The following PEX5L variants were observed in gnomAD, a reference collection of about 807,000 sequenced individuals.
PEX5L encodes peroxisomal biogenesis factor 5 like, also known as PEX5-related protein.
A neutral mutation model predicts 84.0 loss-of-function variants in PEX5L; 30 were observed. That is an observed-to-expected ratio of 0.36 (90% confidence interval 0.27 to 0.48). The LOEUF is 0.48. Ranked by LOEUF, PEX5L falls within the 20% of genes least tolerant of loss-of-function variation. The probability of loss-of-function intolerance (pLI) is 0.99; values close to 1 mark genes in which losing one functional copy is unlikely to be tolerated. For synonymous variants in PEX5L, 270 were observed against 283.1 expected, an observed-to-expected ratio of 0.95 and a Z score of 0.46; for missense variants, 533 against 754.6, an observed-to-expected ratio of 0.71 and a Z score of 3.44.
chr3:179,938,320 G>C (rs1286083954), intron 2 of PEX5L, among the ~76,000 whole-genome samples: 2 of 152,180 alleles, frequency 1.3e-5, no homozygotes, highest in African/African-American at 4.8e-5. Context: ...AAGGCACCCT[G>C]TCCATTACTA....
chr3:179,862,493 C>T (rs936723576), intron 7 of PEX5L, among the ~76,000 whole-genome samples: 8 of 152,122 alleles, frequency 5.3e-5, no homozygotes, highest in Admixed American at 2.6e-4. Context: ...GAAAGTTAGC[C>T]GATCTTGTAT....
intron 8 of PEX5L, among the ~76,000 whole-genome samples, chr3:179,848,254 T>C (rs183571369): frequency 9.2e-5 from 14 of 152,168 alleles, no homozygotes; most frequent in Non-Finnish European, 2.9e-5. Context: ...ATTCTTCCTA[T>C]AGAAGCAAAA....
Position 179,846,378 on chromosome 3 carries a change from C to T in PEX5L, c.822+12684G>A, listed in dbSNP as rs181110690. Among the ~76,000 whole-genome samples the T allele has an allele frequency of 3.1e-4, 47 of 152,232 alleles. 1 individual carries two copies. The highest frequency in any genetic ancestry group is 1.1e-3 in the African/African-American group (47 of 41,532). On this transcript the variant is annotated intron_variant, in intron 8 of 14. Transcript: ENST00000467460. ...AATCTTCTAGCTATTTTGAAATATA[C>T]AATAAATTATTGTTAACTATAGTTG...
At chr3:180,031,244 C>A (rs1791437556) in intron 1 of PEX5L, among the ~76,000 whole-genome samples, 1 of 152,046 alleles carries the variant, frequency 6.6e-6, no homozygotes, top group African/African-American at 2.4e-5. Context: ...CCTGTTTATA[C>A]TCTATAATAT....
chr3:179,974,568 C>A lies in PEX5L; in HGVS notation c.22-2903G>T, dbSNP rs534901511. On this transcript the variant is annotated intron_variant, in intron 1 of 14. Transcript: ENST00000467460. ...GACAGTGCTTCACCCCCATAAGAAG[C>A]TTTCAGCTCAGGATAACGTGTCCAA... Among the ~76,000 whole-genome samples the A allele has an allele frequency of 5.9e-5, 9 of 152,338 alleles. No homozygotes were observed. The East Asian group carries it at 1.7e-3, about 29-fold the overall frequency.
At chr3:179,807,426 C>T (rs1163724624) in intron 14 of PEX5L, among the ~76,000 whole-genome samples, 1 of 152,132 alleles carries the variant, frequency 6.6e-6, no homozygotes, top group Non-Finnish European at 1.5e-5. Flanking sequence ...TCTCAGGGGC[C>T]AGGAATTGGG....
At chr3:180,016,098 A>ACACCACCAC (rs56152525) in intron 1 of PEX5L, among the ~76,000 whole-genome samples, 6 of 151,250 alleles carry the variant, frequency 4.0e-5, no homozygotes, top group Admixed American at 2.0e-4. Flanking sequence ...AAGTGCTGTA[A>ACACCACCAC]CACCACCACC....
intron 2 of PEX5L, among the ~76,000 whole-genome samples, chr3:179,952,749 T>G (rs1250659272): frequency 6.6e-6 from 1 of 152,138 alleles, no homozygotes; most frequent in Non-Finnish European, 1.5e-5. Context: ...TAGAAAAAAC[T>G]ACTTTAAATT....
At chr3:179,858,293 G>C (rs1038427412) in intron 8 of PEX5L, among the ~76,000 whole-genome samples, 2 of 151,978 alleles carry the variant, frequency 1.3e-5, no homozygotes, top group African/African-American at 4.8e-5. Flanking sequence ...ATCTAGCAAA[G>C]CTTTGATGAG....
At chr3:179,881,464 T>G (rs1185690491) in intron 4 of PEX5L, 1 of 152,248 alleles carries the variant, frequency 6.6e-6, no homozygotes, top group African/African-American at 2.4e-5. Context: ...AGTAAGTTTC[T>G]TGATCTCTCT....
At chr3:179,956,123 G>A (rs1339509171) in intron 2 of PEX5L, among the ~76,000 whole-genome samples, 1 of 152,046 alleles carries the variant, frequency 6.6e-6, no homozygotes, top group African/African-American at 2.4e-5. Flanking sequence ...ATAGAAGTAG[G>A]GAAACTATTA....
chr3:179,940,321 G>C (rs1166274926), intron 2 of PEX5L, among the ~76,000 whole-genome samples: 1 of 152,008 alleles, frequency 6.6e-6, no homozygotes, highest in Non-Finnish European at 1.5e-5. Context: ...AAGCTGGGAA[G>C]AGAAAGAAAG....
At chr3:179,986,971 T>G (rs1354815132) in intron 1 of PEX5L, among the ~76,000 whole-genome samples, 1 of 152,182 alleles carries the variant, frequency 6.6e-6, no homozygotes, top group Non-Finnish European at 1.5e-5. Flanking sequence ...TTGAGACATG[T>G]AATGGAATAA....
intron 2 of PEX5L, among the ~76,000 whole-genome samples, chr3:179,903,577 G>A (rs1490034459): frequency 1.3e-5 from 2 of 152,054 alleles, no homozygotes; most frequent in Non-Finnish European, 2.9e-5. Context: ...CCTGGATTAA[G>A]CACCTGCAAA....
chr3:179,850,932 T>C (rs1741595871), intron 8 of PEX5L, among the ~76,000 whole-genome samples: 1 of 152,210 alleles, frequency 6.6e-6, no homozygotes, highest in African/African-American at 2.4e-5. Context: ...TCTTATATAA[T>C]CCTATATTAA....
At chr3:180,007,128 C>T (rs1788973833) in intron 1 of PEX5L, among the ~76,000 whole-genome samples, 1 of 152,150 alleles carries the variant, frequency 6.6e-6, no homozygotes, top group African/African-American at 2.4e-5. Context: ...TAGTTACTTC[C>T]TAGATACAAT....
intron 8 of PEX5L, among the ~76,000 whole-genome samples, chr3:179,825,651 G>C (rs1560253446): frequency 6.6e-6 from 1 of 152,142 alleles, no homozygotes; most frequent in African/African-American, 2.4e-5. Context: ...AGTGTATGGA[G>C]GAAAACAGAT....
chr3:179,965,973 G>T (rs1233038056), intron 2 of PEX5L, among the ~76,000 whole-genome samples: 1 of 152,138 alleles, frequency 6.6e-6, no homozygotes, highest in African/African-American at 2.4e-5. Flanking sequence ...TAAATAGTTT[G>T]CAGACAAGAT....
chr3:179,946,387 T>G (rs1347525224), intron 2 of PEX5L, among the ~76,000 whole-genome samples: 1 of 152,178 alleles, frequency 6.6e-6, no homozygotes, highest in East Asian at 1.9e-4. Flanking sequence ...GGGCAGGGTC[T>G]AAAGAAATCT....
Sources: allele counts gnomAD v4.1 joint callset (sites outside exome capture counted in the v4.1 genomes callset), GRCh38; gene constraint gnomAD v4.1.1; transcripts MANE v1.5; gene names NCBI Gene and HGNC (gene_info 2026-07-23, HGNC 2026-07-21).